BNC2: variants seen among roughly 807,000 people sequenced by gnomAD.
The protein encoded by BNC2 is zinc finger protein basonuclin-2.
A neutral mutation model predicts 76.3 loss-of-function variants in BNC2; 20 were observed. The ratio of observed to expected loss-of-function variants is 0.26; its 90% confidence interval spans 0.18 to 0.38. The LOEUF is 0.38. Ranked by LOEUF, BNC2 falls within the 10% of genes least tolerant of loss-of-function variation. The pLI is 1.00. For synonymous variants in BNC2, 582 were observed against 514.8 expected, an observed-to-expected ratio of 1.13 and a Z score of -1.77; for missense variants, 1,382 against 1,399.8, an observed-to-expected ratio of 0.99 and a Z score of 0.20.
chr9:16,685,560 G>A, intron 3 of BNC2: 4 of 1,304,236 alleles, frequency 3.1e-6, no homozygotes, highest in Non-Finnish European at 4.0e-6. Flanking sequence ...CTTCCAGCCT[G>A]TGGTATGGCT....
chr9:16,861,423 C>G (rs1347367121), intron 1 of BNC2, among the ~76,000 whole-genome samples: 1 of 151,934 alleles, frequency 6.6e-6, no homozygotes, highest in African/African-American at 2.4e-5. Context: ...AAACCTTGTA[C>G]CTAGCAGAGG....
intron 3 of BNC2, among the ~76,000 whole-genome samples, chr9:16,644,725 A>G (rs1401251603): frequency 6.6e-6 from 1 of 152,214 alleles, no homozygotes; most frequent in Non-Finnish European, 1.5e-5. Context: ...AAGACAGTAA[A>G]TAAGTAGCAC....
At chr9:16,672,372 C>A (rs968086183) in intron 3 of BNC2, among the ~76,000 whole-genome samples, 1 of 152,110 alleles carries the variant, frequency 6.6e-6, no homozygotes, top group African/African-American at 2.4e-5. Context: ...TGGCGGGCAC[C>A]TGTAGCCCCA....
intron 1 of BNC2, among the ~76,000 whole-genome samples, chr9:16,817,267 C>A (rs571789635): frequency 6.6e-6 from 1 of 152,286 alleles, no homozygotes; most frequent in Non-Finnish European, 1.5e-5. Flanking sequence ...CTGCCTGAAC[C>A]ATTAATGTTC....
chr9:16,431,788 T>A (rs1235973213), intron 6 of BNC2, among the ~76,000 whole-genome samples: 1 of 152,184 alleles, frequency 6.6e-6, no homozygotes, highest in Non-Finnish European at 1.5e-5. Flanking sequence ...TCAGGCACGT[T>A]ACATTTATCA....
intron 3 of BNC2, among the ~76,000 whole-genome samples, chr9:16,723,065 G>A (rs542279346): frequency 6.6e-6 from 1 of 152,216 alleles, no homozygotes; most frequent in South Asian, 2.1e-4. Context: ...ATTGGAGGTC[G>A]TAGCCTAGTA....
At chr9:16,864,173 G>A (rs1819480528) in intron 1 of BNC2, among the ~76,000 whole-genome samples, 1 of 152,120 alleles carries the variant, frequency 6.6e-6, no homozygotes, top group Non-Finnish European at 1.5e-5. Flanking sequence ...ACCAGGCTAT[G>A]CTAGAGGAAA....
intron 1 of BNC2, among the ~76,000 whole-genome samples, chr9:16,775,303 A>G (rs968000520): frequency 7.2e-5 from 11 of 151,916 alleles, no homozygotes; most frequent in African/African-American, 2.4e-4. Context: ...TATAAACTCT[A>G]ATTTGGGATA....
chr9:16,764,997 T>C (rs1363796192), intron 1 of BNC2, among the ~76,000 whole-genome samples: 1 of 152,156 alleles, frequency 6.6e-6, no homozygotes, highest in Non-Finnish European at 1.5e-5. Flanking sequence ...CGCTGTGGCA[T>C]ATACTCTGAT....
rs535829674 is a variant in BNC2 at position 16,846,007 on chromosome 9, G to A, written c.3+24639C>T. ...TACTAAAAATACAAAAAAATTAGCTGGCCGCGGTGGCGGGCACCTGCAGTC... is the reference window on the plus strand; with the variant it reads ...TACTAAAAATACAAAAAAATTAGCTAGCCGCGGTGGCGGGCACCTGCAGTC... On this transcript the variant is annotated intron_variant, in intron 1 of 6. Transcript: ENST00000380672. 1.2e-3 allele frequency among the ~76,000 whole-genome samples: 181 copies of A among 152,048 alleles called. 2 individuals carry two copies. The highest frequency in any genetic ancestry group is 9.1e-3 in the South Asian group (44 of 4,824).
intron 1 of BNC2, among the ~76,000 whole-genome samples, chr9:16,855,316 A>C (rs917939623): frequency 3.3e-5 from 5 of 152,208 alleles, no homozygotes; most frequent in African/African-American, 1.2e-4. Flanking sequence ...TTTACCAGTG[A>C]ATTTTGTGCT....
At chr9:16,815,582 TG>T (rs902692690) in intron 1 of BNC2, among the ~76,000 whole-genome samples, 11 of 152,184 alleles carry the variant, frequency 7.2e-5, no homozygotes, top group African/African-American at 2.7e-4. Flanking sequence ...TGGTGATGAG[TG>T]GCGGATCCAT....
intron 3 of BNC2, among the ~76,000 whole-genome samples, chr9:16,667,128 G>A (rs940025309): frequency 2.0e-5 from 3 of 148,198 alleles, no homozygotes; most frequent in South Asian, 2.1e-4. Flanking sequence ...CACACACGCC[G>A]ATGTTATAAA....
chr9:16,616,688 CAA>C (rs112502957), intron 3 of BNC2, among the ~76,000 whole-genome samples: 6 of 73,728 alleles, frequency 8.1e-5, no homozygotes, highest in Admixed American at 1.6e-4. Flanking sequence ...GATCCTCTCT[CAA>C]AAAAAAAAAA....
Position 16,476,910 on chromosome 9 carries a change from T to A in BNC2, c.670-39386A>T, listed in dbSNP as rs80223546. Among the ~76,000 whole-genome samples, 1,508 of 152,262 alleles carry A rather than the reference T, an allele frequency of 9.9e-3. 30 individuals carry two copies. Among genetic ancestry groups the A allele is most frequent in the African/African-American group, 0.034 (1,396 of 41,540 alleles). ...AATTGTCCAATTTGTGGGTTTTACA[T>A]GTGTCTGTGGTAGGGAAAGAACATT... is the stretch of plus-strand genomic sequence containing the variant. On this transcript the variant is annotated intron_variant, in intron 5 of 6. Coordinates refer to ENST00000380672, the MANE Select transcript of BNC2 (RefSeq NM_017637.6).
chr9:16,531,589 C>A (rs1343297281), intron 5 of BNC2, among the ~76,000 whole-genome samples: 6 of 149,230 alleles, frequency 4.0e-5, no homozygotes, highest in East Asian at 1.9e-4. Context: ...AACAAACAAA[C>A]AAAAAAAAAG....
At chr9:16,518,591 G>T (rs1357060648) in intron 5 of BNC2, among the ~76,000 whole-genome samples, 23 of 132,826 alleles carry the variant, frequency 1.7e-4, no homozygotes, top group African/African-American at 8.0e-4. Context: ...TTTTGTTGTT[G>T]TTGTTGTTGT....
intron 3 of BNC2, among the ~76,000 whole-genome samples, chr9:16,603,506 T>C (rs184344944): frequency 5.1e-4 from 77 of 152,306 alleles, no homozygotes; most frequent in Non-Finnish European, 9.1e-4. Flanking sequence ...GTGTGCAAAA[T>C]TGCTCCATTG....
intron 5 of BNC2, among the ~76,000 whole-genome samples, chr9:16,455,935 C>A (rs570014953): frequency 1.3e-4 from 20 of 152,266 alleles, no homozygotes; most frequent in Admixed American, 7.8e-4. Flanking sequence ...AATAAAAAAG[C>A]TTGCCTTATT....
Sources: allele counts gnomAD v4.1 joint callset (sites outside exome capture counted in the v4.1 genomes callset), GRCh38; gene constraint gnomAD v4.1.1; transcripts MANE v1.5; gene names NCBI Gene and HGNC (gene_info 2026-07-23, HGNC 2026-07-21).